Variants in NPNT observed in about 807,000 individuals in gnomAD.
NPNT encodes the protein nephronectin.
NPNT carries 45 observed loss-of-function variants against 68.6 expected under a neutral mutation model. That is an observed-to-expected ratio of 0.66 (90% CI 0.52 to 0.84). The LOEUF (loss-of-function observed/expected upper bound fraction) is 0.84, where lower values mean the gene tolerates loss of function less well. Among genes scored for constraint, NPNT ranks in the 40% least tolerant of loss-of-function variants. The pLI is 0.00. For synonymous variants in NPNT, 233 were observed against 253.3 expected (o/e 0.92, Z 0.76); for missense variants, 672 against 714.8 (o/e 0.94, Z 0.68).
chr4:105,921,392 A>G (rs1305118596), intron 2 of NPNT, among the ~76,000 whole-genome samples: 1 of 152,194 alleles, frequency 6.6e-6, no homozygotes, highest in Non-Finnish European at 1.5e-5. Flanking sequence ...TTACTTGTAA[A>G]ATGAAGATAG....
chr4:105,948,174 TTCTAAG>T (rs1197140273), intron 8 of NPNT, among the ~76,000 whole-genome samples: 3 of 152,130 alleles, frequency 2.0e-5, no homozygotes, highest in African/African-American at 4.8e-5. Flanking sequence ...CTCTAGAAAA[TTCTAAG>T]TCTAATATAC....
intron 2 of NPNT, 42 bp from the exon 3 acceptor site, chr4:105,927,294 T>C (rs558691084): frequency 5.4e-6 from 7 of 1,290,180 alleles, no homozygotes; most frequent in Non-Finnish European, 7.9e-6. Flanking sequence ...TGATTGGTGT[T>C]TCGTTGACCT....
intron 2 of NPNT, among the ~76,000 whole-genome samples, chr4:105,921,174 A>G (rs1306466629): frequency 6.6e-6 from 1 of 152,142 alleles, no homozygotes; most frequent in East Asian, 1.9e-4. Context: ...GTTTTTAATC[A>G]TTATTAACAT....
At position 105,927,347 on chromosome 4, in the gene NPNT, C is replaced by A. The variant is rs749166124; in HGVS notation, c.184C>A (p.Pro62Thr). 4 of 1,610,634 alleles carry A rather than the reference C, an allele frequency of 2.5e-6. No individual in the cohort carries two copies. ...SWGQCQPVCQPRCKHGECIGP... is the reference protein window; with the variant it reads ...SWGQCQPVCQTRCKHGECIGP... ...TCTTCTTTTCACAGCTGTGTGCCAA[C>A]CACGATGCAAACATGGTGAATGTAT... The change falls in exon 3 of 12, where the codon CCA becomes ACA. Residue 62 changes from proline (P) to threonine (T), a missense_variant. Coordinates refer to ENST00000379987, the MANE Select transcript of NPNT (RefSeq NM_001033047.3).
chr4:105,903,576 A>G (rs925162359), intron 2 of NPNT, among the ~76,000 whole-genome samples: 5 of 152,182 alleles, frequency 3.3e-5, no homozygotes, highest in African/African-American at 1.2e-4. Context: ...TCATTTCCTT[A>G]AATATCCCTC....
Position 105,970,486 on chromosome 4 carries a change from C to T in NPNT, c.*1496C>T. The T allele has an allele frequency of 1.4e-6, 1 of 695,312 alleles. No homozygotes were observed. Among genetic ancestry groups the T allele is most frequent in the Non-Finnish European group, 2.6e-6 (1 of 379,698 alleles). 43.1% of individuals were successfully genotyped at this position (695,312 alleles called of 1,614,324 possible). A position where few individuals can be genotyped will look rare whatever the true frequency, so the allele number is the denominator to read the frequency against. ...GGAGAAGAGAAGACTGAGGGGCAAA[C>T]CATTGATGGTTTTCAAGTATATGAA... On this transcript the variant is annotated 3_prime_UTR_variant, in exon 12 of 12. Transcript: ENST00000379987.
At chr4:105,912,684 A>G in intron 2 of NPNT, 1 of 390,458 alleles carries the variant, frequency 2.6e-6, no homozygotes, top group Non-Finnish European at 3.5e-6. Context: ...GAAATATGTT[A>G]TCAGTTATAA....
At chr4:105,943,193 A>C (rs973712863) in intron 8 of NPNT, among the ~76,000 whole-genome samples, 1 of 152,230 alleles carries the variant, frequency 6.6e-6, no homozygotes, top group African/African-American at 2.4e-5. Context: ...GTAGTATGTT[A>C]GTGAAAGAGA....
At chr4:105,966,091 A>T (rs773174530) in intron 10 of NPNT, among the ~76,000 whole-genome samples, 8 of 152,234 alleles carry the variant, frequency 5.3e-5, no homozygotes, top group Non-Finnish European at 8.8e-5. Flanking sequence ...GAAAGAGATG[A>T]TAGTTTATAT....
At chr4:105,962,301 G>A (rs2149406662) in intron 10 of NPNT, among the ~76,000 whole-genome samples, 1 of 152,282 alleles carries the variant, frequency 6.6e-6, no homozygotes, top group South Asian at 2.1e-4. Flanking sequence ...TGAAAAACAG[G>A]CAAAGGAACC....
At chr4:105,943,679 C>T (rs545116368) in intron 8 of NPNT, among the ~76,000 whole-genome samples, 1 of 152,152 alleles carries the variant, frequency 6.6e-6, no homozygotes, top group Admixed American at 6.6e-5. Context: ...TGTGTCACTT[C>T]GCTTATTCTT....
intron 2 of NPNT, among the ~76,000 whole-genome samples, chr4:105,904,173 G>T (rs1487958800): frequency 1.3e-5 from 2 of 152,104 alleles, no homozygotes; most frequent in East Asian, 3.8e-4. Context: ...CATTTATGTT[G>T]ATTCTAATTT....
At chr4:105,941,887 T>C (rs775411687) in intron 7 of NPNT, among the ~76,000 whole-genome samples, 1 of 152,172 alleles carries the variant, frequency 6.6e-6, no homozygotes, top group Non-Finnish European at 1.5e-5. Flanking sequence ...ACACGTAGCA[T>C]AGGGATACAA....
intron 3 of NPNT, among the ~76,000 whole-genome samples, chr4:105,931,923 T>G (rs982177634): frequency 3.3e-5 from 5 of 152,218 alleles, no homozygotes; most frequent in South Asian, 2.1e-4. Context: ...AATAACATAA[T>G]GGTGTTGAAA....
chr4:105,899,004 C>T (rs899323926), intron 2 of NPNT, among the ~76,000 whole-genome samples: 3 of 152,058 alleles, frequency 2.0e-5, no homozygotes, highest in South Asian at 2.1e-4. Flanking sequence ...AGGGCAGTTA[C>T]GAAGGCTAGA....
intron 2 of NPNT, among the ~76,000 whole-genome samples, chr4:105,914,344 C>G (rs1242490217): frequency 1.5e-5 from 2 of 136,936 alleles, no homozygotes; most frequent in Non-Finnish European, 3.1e-5. Context: ...AGCTGGCTCT[C>G]TCTCTCCATT....
At chr4:105,896,980 C>A (rs1366907562) in intron 1 of NPNT, among the ~76,000 whole-genome samples, 1 of 152,148 alleles carries the variant, frequency 6.6e-6, no homozygotes, top group African/African-American at 2.4e-5. Flanking sequence ...GTATGTTATG[C>A]ATTTCTTGCA....
chr4:105,935,542 T>C (rs960471658), intron 3 of NPNT, among the ~76,000 whole-genome samples: 1 of 152,232 alleles, frequency 6.6e-6, no homozygotes, highest in Non-Finnish European at 1.5e-5. Flanking sequence ...TACTGTAATC[T>C]GCATGGCGCT....
intron 2 of NPNT, among the ~76,000 whole-genome samples, chr4:105,921,711 C>T (rs1728271750): frequency 6.6e-6 from 1 of 152,188 alleles, no homozygotes; most frequent in Admixed American, 6.5e-5. Flanking sequence ...CAGAGGACCA[C>T]TGTACAATCT....
Sources: allele counts gnomAD v4.1 joint callset (sites outside exome capture counted in the v4.1 genomes callset), GRCh38; gene constraint gnomAD v4.1.1; transcripts MANE v1.5; gene names NCBI Gene and HGNC (gene_info 2026-07-23, HGNC 2026-07-21).